Variants in COQ10A observed in about 807,000 individuals in gnomAD.
The protein encoded by COQ10A is coenzyme Q-binding protein COQ10 homolog A, mitochondrial.
Under a neutral mutation model 26.1 loss-of-function variants are expected in COQ10A, and 25 were observed. That is an observed-to-expected ratio of 0.96 (90% CI 0.70 to 1.34). COQ10A has a LOEUF of 1.34. Among genes scored for constraint, COQ10A ranks in the 40% most tolerant of loss-of-function variants. The pLI is 0.00. For synonymous variants in COQ10A, 132 were observed against 124.0 expected (o/e 1.06, Z -0.43); for missense variants, 312 against 335.4 (o/e 0.93, Z 0.54).
chr12:56,269,708 A>C (rs1592402862), intron 4 of COQ10A, 147 bp downstream of exon 4: 2 of 666,716 alleles, frequency 3.0e-6, no homozygotes, highest in Non-Finnish European at 5.4e-6. Flanking sequence ...GCTCACTGCA[A>C]CCTCCACCTT....
chr12:56,268,098 TC>T, intron 2 of COQ10A, 158 bp downstream of exon 2: 1 of 910,230 alleles, frequency 1.1e-6, no homozygotes, highest in Non-Finnish European at 1.7e-6. Context: ...CTGCCACTCT[TC>T]CGACCTTAAT....
intron 3 of COQ10A, 36 bp from the exon 4 acceptor site, chr12:56,269,424 G>A (rs1416153035): frequency 1.3e-6 from 2 of 1,531,288 alleles, no homozygotes; most frequent in East Asian, 2.2e-5. Flanking sequence ...CCTATACTTA[G>A]TAATGTTATT....
chr12:56,270,175 T>C lies in COQ10A; in HGVS notation c.602T>C (p.Leu201Pro), dbSNP rs1872471925. The C allele has an allele frequency of 5.0e-6, 8 of 1,614,144 alleles. No homozygotes were observed. Among genetic ancestry groups the C allele is most frequent in the Non-Finnish European group, 6.8e-6 (8 of 1,179,990 alleles). ...ATTTCCTTTGAATTTCGTTCTCTGC[T>C]GCACTCCCAGCTGGCCACCATGTTT... Reference protein sequence around the residue: ...FSISFEFRSLLHSQLATMFFD... With the variant: ...FSISFEFRSLPHSQLATMFFD... The change falls in exon 5 of 5, where the codon CTG (leucine) becomes CCG (proline). Residue 201 changes from leucine (L) to proline (P), a missense_variant. Coordinates refer to ENST00000308197, the MANE Select transcript of COQ10A (RefSeq NM_144576.4).
intron 1 of COQ10A, 113 bp from the exon 2 acceptor site, chr12:56,267,681 G>T (rs758849512): frequency 2.1e-5 from 31 of 1,454,484 alleles, no homozygotes; most frequent in Admixed American, 5.0e-5. Context: ...GTGCTGGGGG[G>T]AAAGCTTGTT....
intron 1 of COQ10A, 99 bp from the exon 2 acceptor site, chr12:56,267,695 A>G (rs1872391578): frequency 6.5e-7 from 1 of 1,530,164 alleles, no homozygotes; most frequent in Admixed American, 1.7e-5. Context: ...GCTTGTTTGG[A>G]CGACCTTCGT....
intron 1 of COQ10A, 105 bp from the exon 2 acceptor site, chr12:56,267,686 CTTG>C (rs1042678586): frequency 6.7e-7 from 1 of 1,488,900 alleles, no homozygotes; most frequent in Admixed American, 1.7e-5. Context: ...GGGGGGAAAG[CTTG>C]TTTGGACGAC....
Position 56,269,574 on chromosome 12 carries a change from G to C in COQ10A, c.576+13G>C, listed in dbSNP as rs766131479. On this transcript the variant is annotated intron_variant, in intron 4 of 4. Transcript: ENST00000308197. ...TGTGGACTTTTCGGTGAGTCAGGAG[G>C]TTGTGTAGCAGAGGACGAGGACTGG... 1 of 1,579,886 alleles carries C rather than the reference G, an allele frequency of 6.3e-7. No individual in the cohort carries two copies. The highest frequency in any genetic ancestry group is 1.7e-5 in the Admixed American group (1 of 59,982).
intron 2 of COQ10A, 163 bp from the exon 3 acceptor site, chr12:56,268,896 A>C (rs1872425645): frequency 1.6e-6 from 1 of 618,528 alleles, no homozygotes; most frequent in Admixed American, 2.9e-5. Context: ...TATCATAAGG[A>C]TTTACACGTT....
Position 56,269,581 on chromosome 12 carries a change from A to T in COQ10A, c.576+20A>T, listed in dbSNP as rs1269536782. On this transcript the variant is annotated intron_variant, in intron 4 of 4. Transcript: ENST00000308197. ...TTTTCGGTGAGTCAGGAGGTTGTGT[A>T]GCAGAGGACGAGGACTGGGTATGAG... 6.5e-7 allele frequency: 1 copy of T among 1,538,884 alleles called. No homozygotes were observed. Among genetic ancestry groups the T allele is most frequent in the Non-Finnish European group, 9.0e-7 (1 of 1,111,558 alleles).
rs1872471319 is a variant in COQ10A at position 56,270,157 on chromosome 12, T to G, written c.584T>G (p.Phe195Cys). Reference protein sequence around the residue: ...RTCTVDFSISFEFRSLLHSQL... With the variant: ...RTCTVDFSISCEFRSLLHSQL... ...TCTCTTACCCATTCCCAGATTTCCT[T>G]TGAATTTCGTTCTCTGCTGCACTCC... is the stretch of plus-strand genomic sequence containing the variant. Residue 195 changes from phenylalanine to cysteine, a missense_variant, in exon 5 of 5, where the codon TTT becomes TGT. Physicochemically the swap from Phe to Cys is radical, Grantham distance 205. Transcript: ENST00000308197. 1 of 1,613,732 alleles carries G rather than the reference T, an allele frequency of 6.2e-7. No homozygotes were observed. The highest frequency in any genetic ancestry group is 8.5e-7 in the Non-Finnish European group (1 of 1,179,684).
chr12:56,270,420 C>T lies in COQ10A; in HGVS notation c.*103C>T, dbSNP rs1406892950. On this transcript the variant is annotated 3_prime_UTR_variant, in exon 5 of 5. Transcript: ENST00000308197. The stretch of plus-strand genomic sequence containing the variant: ...TTCCAATTTGAAAGGAGTCTGTGTT[C>T]ATAATACTGTTTCTCCTCTCAATTT... The T allele has an allele frequency of 8.3e-7, 1 of 1,210,518 alleles. No individual in the cohort carries two copies. Among genetic ancestry groups the T allele is most frequent in the Non-Finnish European group, 1.2e-6 (1 of 860,170 alleles). The allele number at this position is 1,210,518 out of a possible 1,614,324, so 75.0% of individuals were successfully genotyped here. A position where few individuals can be genotyped will look rare whatever the true frequency, so the allele number is the denominator to read the frequency against.
At chr12:56,268,933 C>A in intron 2 of COQ10A, 126 bp from the exon 3 acceptor site, 1 of 708,566 alleles carries the variant, frequency 1.4e-6, no homozygotes. Context: ...TTCATCCAGG[C>A]TTATTTGGGA....
intron 2 of COQ10A, 115 bp downstream of exon 2, chr12:56,268,055 T>C (rs974963708): frequency 1.1e-5 from 14 of 1,308,018 alleles, no homozygotes; most frequent in Non-Finnish European, 1.5e-5. Context: ...GCCATCCCCC[T>C]CCCCAGCTAC....
chr12:56,267,566 CT>C, intron 1 of COQ10A: 3 of 1,204,872 alleles, frequency 2.5e-6, no homozygotes, highest in Non-Finnish European at 2.4e-6. Flanking sequence ...CCACACACCC[CT>C]TTTTCTCATC....
At position 56,270,299 on chromosome 12, in the gene COQ10A, TGA is replaced by T; in HGVS notation, c.728_729del (p.Glu243GlyfsTer12). 1 of 1,614,104 alleles carries T rather than the reference TGA, an allele frequency of 6.2e-7. No individual in the cohort carries two copies. On this transcript the variant is annotated frameshift_variant, in exon 5 of 5. Transcript: ENST00000308197. LOFTEE classifies it high-confidence loss of function. Reference sequence around the variant, plus strand: ...CCATCCCCCGTGAACTGATGTTCCATGAGGTGCACCAGACTTGAGGCAAGGGA... The same window carrying T: ...CCATCCCCCGTGAACTGATGTTCCATGGTGCACCAGACTTGAGGCAAGGGA... Reference protein sequence around the residue: ...TAIPRELMFHEVHQT With the variant: ...TAIPRELMFHXVHQT
chr12:56,269,040 G>A lies in COQ10A; in HGVS notation c.282-19G>A, dbSNP rs1474599359. ...GACCCAGCTGGCAGCTCCTTGGCCT[G>A]TGATTCTTCTTCTCCTAGGTACTCA... On this transcript the variant is annotated intron_variant, in intron 2 of 4. Transcript: ENST00000308197. 1 of 1,609,700 alleles carries A rather than the reference G, an allele frequency of 6.2e-7. No homozygotes were observed. Among genetic ancestry groups the A allele is most frequent in the Non-Finnish European group, 8.5e-7 (1 of 1,177,020 alleles).
In COQ10A at chr12:56,267,880, T is replaced by C; in HGVS notation, c.221T>C (p.Met74Thr). The change falls in exon 2 of 5, where the codon ATG (methionine) becomes ACG (threonine). Residue 74 changes from methionine (M) to threonine (T), a missense_variant. Physicochemically the swap from Met to Thr is moderately conservative, Grantham distance 81. Coordinates refer to ENST00000308197, the MANE Select transcript of COQ10A (RefSeq NM_144576.4). ...GGCTTACCTTCGAGCCGTTCCTTCA[T>C]GGGATTTGCTGCTCCCTTCACCAAC... The part of the protein sequence containing the change: ...EAGLPSSRSF[M>T]GFAAPFTNKR... 1 of 1,614,238 alleles carries C rather than the reference T, an allele frequency of 6.2e-7. No individual in the cohort carries two copies. The highest frequency in any genetic ancestry group is 8.5e-7 in the Non-Finnish European group (1 of 1,180,042).
At position 56,270,898 on chromosome 12, in the gene COQ10A, T is replaced by TGA. The variant is rs970087787; in HGVS notation, c.*583_*584dup. The TGA allele has an allele frequency of 2.0e-5, 3 of 152,178 alleles. No homozygotes were observed. Among genetic ancestry groups the TGA allele is most frequent in the African/African-American group, 7.2e-5 (3 of 41,466 alleles). 9.4% of individuals were successfully genotyped at this position (152,178 alleles called of 1,614,324 possible). A position where few individuals can be genotyped will look rare whatever the true frequency, so the allele number is the denominator to read the frequency against. ...GGAAACGGAGTTGTCTTTGTACTCT[T>TGA]GAGTTGTACCTTATTCTTCCACTTG... On this transcript the variant is annotated 3_prime_UTR_variant, in exon 5 of 5. Transcript: ENST00000308197.
chr12:56,267,987 A>G, intron 2 of COQ10A, 47 bp downstream of exon 2: 1 of 1,606,014 alleles, frequency 6.2e-7, no homozygotes, highest in Non-Finnish European at 8.5e-7. Flanking sequence ...TTTCCCTCCA[A>G]ATAACCCTGT....
Sources: gnomAD v4.1 joint callset for allele counts on GRCh38, gnomAD v4.1.1 for gene constraint, MANE v1.5 for transcripts, NCBI Gene and HGNC (gene_info 2026-07-23, HGNC 2026-07-21) for gene names.